DLC1: variants seen among roughly 807,000 people sequenced by gnomAD.
DLC1 encodes rho GTPase-activating protein 7.
Under a neutral mutation model 140.3 loss-of-function variants are expected in DLC1, and 54 were observed. That is an observed-to-expected ratio of 0.38 (90% CI 0.31 to 0.48). DLC1 has a LOEUF of 0.48. Ranked by LOEUF, DLC1 falls within the 20% of genes least tolerant of loss-of-function variation. The pLI, the probability that DLC1 is intolerant of heterozygous loss-of-function variation, is 0.96. For synonymous variants in DLC1, 986 were observed against 728.1 expected (o/e 1.35, Z -5.70); for missense variants, 2,536 against 1,907.0 (o/e 1.33, Z -6.14).
At chr8:13,344,544 T>C (rs1834231184) in intron 4 of DLC1, among the ~76,000 whole-genome samples, 1 of 152,182 alleles carries the variant, frequency 6.6e-6, no homozygotes. Flanking sequence ...AAAGTTCTAC[T>C]AAATAAGTAG....
chr8:13,491,148 C>G (rs1801222622), intron 2 of DLC1, among the ~76,000 whole-genome samples: 1 of 149,346 alleles, frequency 6.7e-6, no homozygotes, highest in South Asian at 2.1e-4. Context: ...TATATATAGC[C>G]TTAAAGGCAT....
intron 1 of DLC1, among the ~76,000 whole-genome samples, chr8:13,555,005 C>G (rs1375956319): frequency 6.6e-6 from 1 of 152,224 alleles, no homozygotes; most frequent in Non-Finnish European, 1.5e-5. Context: ...ACATGTTAAG[C>G]ACGTCTCTTT....
chr8:13,376,887 T>G lies in DLC1; in HGVS notation c.1314+16666A>C, dbSNP rs553023960. ...GATTCTTCACCTGTTCAAAATTGGT[T>G]ACTGTGGCTGATTTCATGGCTATAT... On this transcript the variant is annotated intron_variant, in intron 4 of 17. Coordinates refer to ENST00000276297, the MANE Select transcript of DLC1 (RefSeq NM_182643.3). Among the ~76,000 whole-genome samples, 4 of 152,274 alleles carry G rather than the reference T, an allele frequency of 2.6e-5. No individual in the cohort carries two copies. The South Asian group carries it at 8.3e-4, about 32-fold the overall frequency.
chr8:13,428,711 C>T lies in DLC1; in HGVS notation c.1024-27092G>A, dbSNP rs148567352. Among the ~76,000 whole-genome samples, 105 of 139,958 alleles carry T rather than the reference C, an allele frequency of 7.5e-4. 1 individual carries two copies. The East Asian group carries it at 0.019, about 26-fold the overall frequency. The allele number at this position is 139,958 out of a possible 152,430, so 91.8% of individuals were successfully genotyped here. ...AGTCTCTGAGAGTTAAAAACCTATG[C>T]AAGATGGATTTTTTTTTGCCATTTA... On this transcript the variant is annotated intron_variant, in intron 2 of 17. Transcript: ENST00000276297.
chr8:13,345,234 C>G (rs1834272839), intron 4 of DLC1, among the ~76,000 whole-genome samples: 1 of 152,106 alleles, frequency 6.6e-6, no homozygotes, highest in South Asian at 2.1e-4. Flanking sequence ...ACTTGTAAAA[C>G]TGTTTCTCCT....
intron 5 of DLC1, among the ~76,000 whole-genome samples, chr8:13,136,438 G>C (rs1290936900): frequency 1.3e-5 from 2 of 152,120 alleles, no homozygotes; most frequent in African/African-American, 4.8e-5. Context: ...TGGAGTATTT[G>C]GTTTCCGGTT....
At chr8:13,318,198 T>A (rs1040349709) in intron 4 of DLC1, among the ~76,000 whole-genome samples, 44 of 102,424 alleles carry the variant, frequency 4.3e-4, no homozygotes, top group South Asian at 3.6e-3. Flanking sequence ...CTAATTAAAA[T>A]TTTTTTTTTT....
At chr8:13,422,336 A>G (rs976208187) in intron 2 of DLC1, among the ~76,000 whole-genome samples, 1 of 152,108 alleles carries the variant, frequency 6.6e-6, no homozygotes, top group South Asian at 2.1e-4. Flanking sequence ...TTATTTTCGT[A>G]TGAGAGAACC....
intron 1 of DLC1, among the ~76,000 whole-genome samples, chr8:13,599,671 C>G (rs1016997804): frequency 5.3e-5 from 8 of 151,888 alleles, no homozygotes; most frequent in Admixed American, 4.6e-4. Flanking sequence ...TAAATGGTCA[C>G]ATATACCTTG....
rs137964358 is a variant in DLC1, at chr8:13,294,748, T to C, written c.1348+10521A>G. On this transcript the variant is annotated intron_variant, in intron 5 of 17. Coordinates refer to ENST00000276297, the MANE Select transcript of DLC1 (RefSeq NM_182643.3). ...TGGCATTTAACCACTACATATAGCATAGCGGCTAAGAGCATGCACCGTTGT... is the reference window on the plus strand; with the variant it reads ...TGGCATTTAACCACTACATATAGCACAGCGGCTAAGAGCATGCACCGTTGT... 6.6e-4 allele frequency among the ~76,000 whole-genome samples: 100 copies of C among 152,290 alleles called. 1 individual carries two copies. The highest frequency in any genetic ancestry group is 2.3e-3 in the African/African-American group (95 of 41,548).
In DLC1 at chr8:13,099,759, G is replaced by C. The variant is rs756941799; in HGVS notation, c.2578C>G (p.Pro860Ala). The C allele has an allele frequency of 7.4e-6, 12 of 1,614,182 alleles. No homozygotes were observed. Among genetic ancestry groups the C allele is most frequent in the Non-Finnish European group, 1.0e-5 (12 of 1,180,040 alleles). Residue 860 changes from proline to alanine, a missense_variant, in exon 9 of 18, where the codon CCC (proline) becomes GCC (alanine). Pro to Ala is a conservative substitution (Grantham distance 27). Coordinates refer to ENST00000276297, the MANE Select transcript of DLC1 (RefSeq NM_182643.3). Reference sequence around the variant, plus strand: ...GAATTGCGTCTCTTCAGTTCCTTGGGGCTGTCGCTACTGTTTTCCCTCCTG... The same window carrying C: ...GAATTGCGTCTCTTCAGTTCCTTGGCGCTGTCGCTACTGTTTTCCCTCCTG... ...SLRRENSSDS[P>A]KELKRRNSSS...
intron 5 of DLC1, among the ~76,000 whole-genome samples, chr8:13,167,144 C>T (rs1326385544): frequency 1.3e-5 from 2 of 152,252 alleles, no homozygotes; most frequent in African/African-American, 4.8e-5. Context: ...TGGAAACAAC[C>T]TGTGTACATT....
chr8:13,263,704 T>C (rs1458602245), intron 5 of DLC1, among the ~76,000 whole-genome samples: 2 of 151,582 alleles, frequency 1.3e-5, no homozygotes, highest in African/African-American at 4.8e-5. Flanking sequence ...ACCATTTTTA[T>C]TTTTATGTTT....
At chr8:13,526,982 A>G (rs1360791911) in intron 1 of DLC1, among the ~76,000 whole-genome samples, 1 of 152,238 alleles carries the variant, frequency 6.6e-6, no homozygotes, top group Non-Finnish European at 1.5e-5. Flanking sequence ...GTAGAAATAT[A>G]TTTCATTTTG....
intron 4 of DLC1, among the ~76,000 whole-genome samples, chr8:13,307,714 G>C (rs866291837): frequency 6.6e-6 from 1 of 152,152 alleles, no homozygotes; most frequent in African/African-American, 2.4e-5. Flanking sequence ...TGCTTACTGG[G>C]TGCTTAGTTT....
At chr8:13,534,130 A>G (rs1481600) in intron 1 of DLC1, among the ~76,000 whole-genome samples, 145,296 of 152,152 alleles carry the variant, frequency 0.95, 69,716 homozygotes, top group East Asian at 1. Context: ...ATCTGTTTAG[A>G]TATCACTCAT....
chr8:13,423,362 G>A (rs545427614), intron 2 of DLC1, among the ~76,000 whole-genome samples: 6 of 151,974 alleles, frequency 3.9e-5, no homozygotes, highest in Admixed American at 1.3e-4. Context: ...GCATAGTATC[G>A]CCCTTATTTG....
chr8:13,103,852 AAAAAAAAG>A lies in DLC1; in HGVS notation c.1503-1007_1503-1000del, dbSNP rs1435567554. Among the ~76,000 whole-genome samples, 4 of 149,856 alleles carry A rather than the reference AAAAAAAAG, an allele frequency of 2.7e-5. No homozygotes were observed. In the East Asian group the frequency reaches 7.8e-4, roughly 29 times the overall value. ...CAGACTCCATCTCAAAAAAAAAAAA[AAAAAAAAG>A]AAAGAAAGAAAAGAAAAGTTTGTGA... On this transcript the variant is annotated intron_variant, in intron 7 of 17. Transcript: ENST00000276297.
At chr8:13,317,312 C>T (rs1021717318) in intron 4 of DLC1, among the ~76,000 whole-genome samples, 1 of 152,124 alleles carries the variant, frequency 6.6e-6, no homozygotes, top group Non-Finnish European at 1.5e-5. Context: ...TGAATTGCTT[C>T]AATACTAATT....
Sources: allele counts gnomAD v4.1 joint callset (sites outside exome capture counted in the v4.1 genomes callset), GRCh38; gene constraint gnomAD v4.1.1; transcripts MANE v1.5; gene names NCBI Gene and HGNC (gene_info 2026-07-23, HGNC 2026-07-21).